Variants in CHN2 observed in about 807,000 individuals in gnomAD.
The protein encoded by CHN2 is chimerin 2.
In CHN2, 35 loss-of-function variants were observed where a neutral mutation model predicts 56.3. The observed-to-expected ratio is 0.62, with a 90% CI of 0.47 to 0.82. The LOEUF (loss-of-function observed/expected upper bound fraction) is 0.82, where lower values mean the gene tolerates loss of function less well. Among genes scored for constraint, CHN2 ranks in the 40% least tolerant of loss-of-function variants. The pLI is 0.00. For missense variants in CHN2, 491 were observed against 580.5 expected (o/e 0.85, Z 1.58); for synonymous variants, 210 against 212.8 (o/e 0.99, Z 0.12).
chr7:29,460,298 A>T (rs890123325), intron 6 of CHN2, among the ~76,000 whole-genome samples: 3 of 151,304 alleles, frequency 2.0e-5, no homozygotes, highest in African/African-American at 7.3e-5. Flanking sequence ...GGGCAAGGGC[A>T]AACCCATCAC....
chr7:29,204,896 A>G (rs1784415216), intron 1 of CHN2, among the ~76,000 whole-genome samples: 2 of 152,236 alleles, frequency 1.3e-5, no homozygotes, highest in African/African-American at 4.8e-5. Context: ...GATTAAGATT[A>G]GAAATAGAAT....
At chr7:29,212,776 G>A (rs909460577) in intron 1 of CHN2, 20 of 1,609,978 alleles carry the variant, frequency 1.2e-5, no homozygotes, top group African/African-American at 9.4e-5. Flanking sequence ...ACAACTGGCC[G>A]AAGAATAGCA....
At chr7:29,189,212 A>G (rs1799097112) in intron 2 of CHN2, among the ~76,000 whole-genome samples, 1 of 152,112 alleles carries the variant, frequency 6.6e-6, no homozygotes, top group East Asian at 1.9e-4. Flanking sequence ...TCAGCCTCCC[A>G]AAGGGCTGGG....
intron 6 of CHN2, among the ~76,000 whole-genome samples, chr7:29,431,192 GCT>G (rs1326907238): frequency 6.6e-6 from 1 of 152,146 alleles, no homozygotes; most frequent in African/African-American, 2.4e-5. Flanking sequence ...TGGGATAAAT[GCT>G]CTGTTATGCC....
In CHN2 at chr7:29,347,621, C is replaced by T. The variant is rs547392152; in HGVS notation, c.50-7004C>T. The stretch of plus-strand genomic sequence containing the variant: ...GGGGAAACCACCCCCATGATCCAAT[C>T]ACCTCCTACCGGGGTCCCTCCCTCA... On this transcript the variant is annotated intron_variant, in intron 1 of 12. Coordinates refer to ENST00000222792, the MANE Select transcript of CHN2 (RefSeq NM_004067.4). Among the ~76,000 whole-genome samples the T allele has an allele frequency of 6.6e-5, 10 of 152,334 alleles. No individual in the cohort carries two copies. The South Asian group carries it at 2.1e-3, about 32-fold the overall frequency.
Position 29,153,249 on chromosome 7 carries a change from A to G in CHN2, c.274+6289A>G, listed in dbSNP as rs1161019962. Among the ~76,000 whole-genome samples, 5 of 152,324 alleles carry G rather than the reference A, an allele frequency of 3.3e-5. No individual in the cohort carries two copies. In the East Asian group the frequency reaches 7.7e-4, roughly 24 times the overall value. ...GGCCTCTGTGTGTACTCTTGCCCCA[A>G]GCCTCCAAAGAAAGAGGCAGGCTTG... On this transcript the variant is annotated intron_variant, in intron 2 of 6. Transcript: ENST00000439384.
intron 1 of CHN2, among the ~76,000 whole-genome samples, chr7:29,275,117 A>G (rs1791078278): frequency 6.6e-6 from 1 of 152,192 alleles, no homozygotes; most frequent in Non-Finnish European, 1.5e-5. Context: ...TCTGGATCTC[A>G]GTTTCCTCAC....
intron 1 of CHN2, among the ~76,000 whole-genome samples, chr7:29,351,561 A>C (rs1797889854): frequency 6.6e-6 from 1 of 152,210 alleles, no homozygotes; most frequent in Admixed American, 6.5e-5. Context: ...GGAACCTGGC[A>C]GGTAGAGCCC....
chr7:29,190,633 A>G (rs1425041055), upstream of CHN2, among the ~76,000 whole-genome samples: 1 of 152,148 alleles, frequency 6.6e-6, no homozygotes, highest in African/African-American at 2.4e-5. Flanking sequence ...CTCCATCAAG[A>G]TTTTATTCTT....
chr7:29,227,490 C>T lies in CHN2; in HGVS notation c.49+32500C>T, dbSNP rs3812379. ...TTTATCGTAAGTCCATATAGGTCTG[C>T]AGCTTCCTGAGGTGGCTCATGACCA... On this transcript the variant is annotated intron_variant, in intron 1 of 12. Transcript: ENST00000222792. 1.1e-4 allele frequency among the ~76,000 whole-genome samples: 17 copies of T among 152,310 alleles called. No individual in the cohort carries two copies. In the East Asian group the frequency reaches 2.3e-3, roughly 21 times the overall value.
At chr7:29,457,300 CAGAG>C (rs56742197) in intron 6 of CHN2, among the ~76,000 whole-genome samples, 4 of 152,148 alleles carry the variant, frequency 2.6e-5, no homozygotes, top group Non-Finnish European at 4.4e-5. Context: ...ATTCTCTGCA[CAGAG>C]AGTCACGTCT....
chr7:29,301,342 TACACACACAC>T (rs10570363), intron 1 of CHN2, among the ~76,000 whole-genome samples: 5,208 of 141,642 alleles, frequency 0.037, 104 homozygotes, highest in African/African-American at 0.046. Context: ...CTCAAACAGG[TACACACACAC>T]ACACACACAC....
intron 1 of CHN2, among the ~76,000 whole-genome samples, chr7:29,315,789 T>C (rs1379457362): frequency 6.6e-6 from 1 of 152,196 alleles, no homozygotes; most frequent in African/African-American, 2.4e-5. Flanking sequence ...GAATCTTGCC[T>C]GCTAATGGGG....
At chr7:29,212,770 C>A (rs1785052138) in intron 1 of CHN2, 1 of 1,610,210 alleles carries the variant, frequency 6.2e-7, no homozygotes, top group Non-Finnish European at 8.5e-7. Context: ...AGAAAAACAA[C>A]TGGCCGAAGA....
intron 6 of CHN2, among the ~76,000 whole-genome samples, chr7:29,412,730 C>T (rs910661635): frequency 1.3e-5 from 2 of 152,138 alleles, no homozygotes; most frequent in African/African-American, 4.8e-5. Flanking sequence ...GCCCCTTTTG[C>T]AGCATTGGAT....
chr7:29,508,538 G>A (rs1016126986), intron 11 of CHN2, among the ~76,000 whole-genome samples: 4 of 151,958 alleles, frequency 2.6e-5, no homozygotes, highest in East Asian at 1.9e-4. Flanking sequence ...TGCACTTTTC[G>A]GATGAGCTGA....
intron 2 of CHN2, among the ~76,000 whole-genome samples, chr7:29,151,612 A>G (rs1793606776): frequency 6.6e-6 from 1 of 152,218 alleles, no homozygotes; most frequent in African/African-American, 2.4e-5. Context: ...TAATTTTCAC[A>G]TCAGCCCTGC....
At chr7:29,304,329 G>A (rs369168593) in intron 1 of CHN2, among the ~76,000 whole-genome samples, 5 of 152,312 alleles carry the variant, frequency 3.3e-5, no homozygotes, top group South Asian at 4.1e-4. Flanking sequence ...GGTGCGAGAC[G>A]TAGCTGAGAG....
chr7:29,354,582 C>T (rs149763887), intron 1 of CHN2, 43 bp from the exon 2 acceptor site: 366 of 1,551,616 alleles, frequency 2.4e-4, no homozygotes, highest in African/African-American at 2.2e-3. Context: ...GACAGCTTGA[C>T]GTTCAGGCTG....
Sources: gnomAD v4.1 joint callset for allele counts (sites outside exome capture counted in the v4.1 genomes callset) on GRCh38, gnomAD v4.1.1 for gene constraint, MANE v1.5 for transcripts, NCBI Gene and HGNC (gene_info 2026-07-23, HGNC 2026-07-21) for gene names.